The following XIRP2 variants were observed in gnomAD, a reference collection of about 807,000 sequenced individuals.
XIRP2 encodes xin actin binding repeat containing 2.
In XIRP2, 236 loss-of-function variants were observed where a neutral mutation model predicts 277.0. The observed-to-expected ratio is 0.85, with a 90% confidence interval of 0.77 to 0.95. The LOEUF (loss-of-function observed/expected upper bound fraction) is 0.95. Ranked by LOEUF, XIRP2 falls within the 40% of genes least tolerant of loss-of-function variation. The pLI, the probability that XIRP2 is intolerant of heterozygous loss-of-function variation, is 0.00. For missense variants in XIRP2, 4,640 were observed against 4,157.5 expected (o/e 1.12, Z -3.19); for synonymous variants, 1,490 against 1,416.5 (o/e 1.05, Z -1.17).
At chr2:166,906,944 T>G (rs1684540713) in intron 2 of XIRP2, among the ~76,000 whole-genome samples, 1 of 152,160 alleles carries the variant, frequency 6.6e-6, no homozygotes, top group Non-Finnish European at 1.5e-5. Flanking sequence ...TTATTTTCTA[T>G]AAGTGTGCAA....
intron 2 of XIRP2, among the ~76,000 whole-genome samples, chr2:167,104,671 A>G (rs924140265): frequency 2.0e-5 from 3 of 151,978 alleles, no homozygotes; most frequent in Admixed American, 6.6e-5. Flanking sequence ...TCATAGCTTT[A>G]TTTTACTGTT....
At chr2:166,933,414 G>T (rs1256379788) in intron 2 of XIRP2, among the ~76,000 whole-genome samples, 1 of 151,960 alleles carries the variant, frequency 6.6e-6, no homozygotes, top group Non-Finnish European at 1.5e-5. Context: ...CTCCCAAAGT[G>T]CTGGGATTAT....
chr2:167,223,552 T>A (rs1393393094), intron 5 of XIRP2, among the ~76,000 whole-genome samples: 1 of 152,224 alleles, frequency 6.6e-6, no homozygotes, highest in Admixed American at 6.5e-5. Flanking sequence ...GACTACTGTG[T>A]GTTTTAGACT....
intron 2 of XIRP2, among the ~76,000 whole-genome samples, chr2:166,957,675 T>C (rs1250468807): frequency 6.6e-5 from 10 of 151,736 alleles, no homozygotes; most frequent in Admixed American, 3.9e-4. Context: ...GCAGAAGAAA[T>C]TGTGGCCTGT....
intron 2 of XIRP2, among the ~76,000 whole-genome samples, chr2:166,989,159 T>C (rs1235633245): frequency 1.7e-5 from 2 of 116,560 alleles, no homozygotes; most frequent in African/African-American, 3.9e-5. Context: ...CCCTGACCCC[T>C]GACCCCTAAC....
intron 2 of XIRP2, among the ~76,000 whole-genome samples, chr2:166,960,676 C>CAGCT (rs1686278087): frequency 6.6e-6 from 1 of 151,748 alleles, no homozygotes; most frequent in South Asian, 2.1e-4. Context: ...AGGTTGTTCA[C>CAGCT]AGCTATAAGC....
intron 2 of XIRP2, among the ~76,000 whole-genome samples, chr2:167,045,850 A>T (rs1688773502): frequency 6.6e-6 from 1 of 152,058 alleles, no homozygotes; most frequent in Admixed American, 6.6e-5. Flanking sequence ...CTTTAAACAG[A>T]ATTATCATTC....
At chr2:167,007,701 TCTCACACACA>T (rs896173407) in intron 2 of XIRP2, among the ~76,000 whole-genome samples, 2 of 115,180 alleles carry the variant, frequency 1.7e-5, no homozygotes, top group African/African-American at 7.1e-5. Context: ...TCTCTCTCTC[TCTCACACACA>T]CACACACACA....
Position 167,021,427 on chromosome 2 carries a change from C to T in XIRP2, c.409-114482C>T, listed in dbSNP as rs573202028. Among the ~76,000 whole-genome samples, 15 of 152,174 alleles carry T rather than the reference C, an allele frequency of 9.9e-5. No individual in the cohort carries two copies. In the East Asian group the frequency reaches 1.7e-3, roughly 18 times the overall value. On this transcript the variant is annotated intron_variant, in intron 2 of 10. Transcript: ENST00000409195. ...ATATTATTTTAATTATAGCACTACACGTGCAAAAACTATTTTTAGTAATAT... is the reference window on the plus strand; with the variant it reads ...ATATTATTTTAATTATAGCACTACATGTGCAAAAACTATTTTTAGTAATAT...
intron 2 of XIRP2, among the ~76,000 whole-genome samples, chr2:167,007,703 TCACACA>T (rs57336666): frequency 0.054 from 7,030 of 129,840 alleles, 256 homozygotes; most frequent in Middle Eastern, 0.16. Flanking sequence ...TCTCTCTCTC[TCACACA>T]CACACACACA....
chr2:167,139,524 A>T (rs1691650883), intron 3 of XIRP2, among the ~76,000 whole-genome samples: 1 of 152,132 alleles, frequency 6.6e-6, no homozygotes, highest in South Asian at 2.1e-4. Context: ...AACTAAATTC[A>T]TTCTTTATTC....
intron 2 of XIRP2, among the ~76,000 whole-genome samples, chr2:166,949,674 C>T (rs1009074835): frequency 6.6e-6 from 1 of 152,002 alleles, no homozygotes; most frequent in African/African-American, 2.4e-5. Context: ...AATCTATCAC[C>T]AACTGTGATT....
rs2105430001 is a variant in XIRP2 at position 167,240,711 on chromosome 2, G to A, written c.1017G>A (p.Gln339=). The A allele has an allele frequency of 6.2e-7, 1 of 1,613,826 alleles. No homozygotes were observed. Among genetic ancestry groups the A allele is most frequent in the Non-Finnish European group, 8.5e-7 (1 of 1,179,846 alleles). Residue 339 remains glutamine (Q), a synonymous_variant, in exon 7 of 11, where the codon CAG becomes CAA. Transcript: ENST00000409195. ...KHTEEVNQAS[Q]FHQYVQETVI... is the part of the protein sequence containing the mutation. Reference sequence around the variant, plus strand: ...CCGAGGAAGTAAACCAAGCATCTCAGTTTCATCAATATGTTCAAGAAACTG... The same window carrying A: ...CCGAGGAAGTAAACCAAGCATCTCAATTTCATCAATATGTTCAAGAAACTG...
intron 3 of XIRP2, among the ~76,000 whole-genome samples, 196 bp from the exon 4 acceptor site, chr2:167,210,539 T>C (rs1161165599): frequency 5.9e-5 from 9 of 152,214 alleles, no homozygotes; most frequent in Non-Finnish European, 8.8e-5. Flanking sequence ...TACCTAAGTT[T>C]ATGCTGTTAT....
chr2:167,122,868 G>A (rs1664136373), intron 2 of XIRP2, among the ~76,000 whole-genome samples: 1 of 152,018 alleles, frequency 6.6e-6, no homozygotes, highest in Non-Finnish European at 1.5e-5. Context: ...TCCATTCCTA[G>A]TTTGCATTTA....
At chr2:166,956,923 T>C (rs903131552) in intron 2 of XIRP2, among the ~76,000 whole-genome samples, 2 of 151,850 alleles carry the variant, frequency 1.3e-5, no homozygotes, top group African/African-American at 4.8e-5. Flanking sequence ...TTTGAAGTTA[T>C]GTTAAGATAA....
intron 2 of XIRP2, among the ~76,000 whole-genome samples, chr2:167,065,861 T>C (rs1206453502): frequency 6.6e-6 from 1 of 151,974 alleles, no homozygotes; most frequent in Non-Finnish European, 1.5e-5. Context: ...ACAGGTTTGA[T>C]TGTTTTCTTT....
chr2:167,054,854 A>G (rs1390529500), intron 2 of XIRP2, among the ~76,000 whole-genome samples: 1 of 152,180 alleles, frequency 6.6e-6, no homozygotes, highest in African/African-American at 2.4e-5. Flanking sequence ...GAAAGATAAT[A>G]TTGATATTTG....
In XIRP2 at chr2:167,248,788, G is replaced by C. The variant is rs777142931; in HGVS notation, c.7396G>C (p.Val2466Leu). 1 of 1,613,706 alleles carries C rather than the reference G, an allele frequency of 6.2e-7. No homozygotes were observed. The highest frequency in any genetic ancestry group is 1.1e-5 in the South Asian group (1 of 91,080). ...TACTACCTCAAAGGATCAGAAAAAA[G>C]TAATGGTGATGACCAGCAGTGAACA... ...KITTSKDQKK[V>L]MVMTSSEHTE... Residue 2466 changes from valine to leucine, a missense_variant, in exon 9 of 11, where the codon GTA becomes CTA. Coordinates refer to ENST00000409195, the MANE Select transcript of XIRP2 (RefSeq NM_152381.6).
Sources: gnomAD v4.1 joint callset for allele counts (sites outside exome capture counted in the v4.1 genomes callset) on GRCh38, gnomAD v4.1.1 for gene constraint, MANE v1.5 for transcripts, NCBI Gene and HGNC (gene_info 2026-07-23, HGNC 2026-07-21) for gene names.